The following STARD13 variants were observed in gnomAD, a reference collection of about 807,000 sequenced individuals.
STARD13 encodes the protein StAR related lipid transfer domain containing 13.
In STARD13, 62 loss-of-function variants were observed where a neutral mutation model predicts 106.4. That is an observed-to-expected ratio of 0.58 (90% CI 0.48 to 0.72). The LOEUF is 0.72. Ranked by LOEUF, STARD13 falls within the 30% of genes least tolerant of loss-of-function variation. The pLI is 0.00. For missense variants in STARD13, 1,387 were observed against 1,424.0 expected, an observed-to-expected ratio of 0.97 and a Z score of 0.42; for synonymous variants, 565 against 553.0, an observed-to-expected ratio of 1.02 and a Z score of -0.31.
the STARD13 span, among the ~76,000 whole-genome samples, chr13:33,429,748 G>T: frequency 1.2e-4 from 18 of 152,152 alleles, no homozygotes; most frequent in Non-Finnish European, 4.4e-5. Context: ...AGAGTAGAAG[G>T]ATGGTTACCG....
At chr13:33,667,261 T>C in the STARD13 span, among the ~76,000 whole-genome samples, 102 of 152,378 alleles carry the variant, frequency 6.7e-4, no homozygotes, top group African/African-American at 2.2e-3. Flanking sequence ...AACAGCATTA[T>C]CTTGAGAATC....
intron 1 of STARD13, among the ~76,000 whole-genome samples, chr13:33,268,630 T>C (rs1891019820): frequency 6.6e-6 from 1 of 152,262 alleles, no homozygotes; most frequent in Non-Finnish European, 1.5e-5. Context: ...GCATCAGTGC[T>C]GGAACTAAGA....
At chr13:33,253,179 T>C (rs1890174187) in intron 1 of STARD13, among the ~76,000 whole-genome samples, 1 of 152,204 alleles carries the variant, frequency 6.6e-6, no homozygotes, top group Non-Finnish European at 1.5e-5. Context: ...ATAGTTTTTA[T>C]GGTCTTAAGG....
At chr13:33,485,272 G>A in the STARD13 span, among the ~76,000 whole-genome samples, 15 of 152,224 alleles carry the variant, frequency 9.9e-5, no homozygotes, top group South Asian at 6.2e-4. Flanking sequence ...TTTAATTACC[G>A]AAGTGAAATG....
the STARD13 span, among the ~76,000 whole-genome samples, chr13:33,382,369 A>G: frequency 1.3e-5 from 2 of 151,856 alleles, no homozygotes; most frequent in African/African-American, 2.4e-5. Context: ...CTGAAATGCC[A>G]CTTCTCCTAG....
At chr13:33,448,093 A>T in the STARD13 span, among the ~76,000 whole-genome samples, 1 of 152,160 alleles carries the variant, frequency 6.6e-6, no homozygotes, top group Non-Finnish European at 1.5e-5. Flanking sequence ...GTACATACTT[A>T]TGGGATATGT....
At chr13:33,217,682 G>A (rs1220679465) in intron 1 of STARD13, among the ~76,000 whole-genome samples, 2 of 152,204 alleles carry the variant, frequency 1.3e-5, no homozygotes, top group Non-Finnish European at 2.9e-5. Context: ...AAGAGAGCAA[G>A]GGAGGAGAGT....
At chr13:33,263,565 T>C (rs1187187445) in intron 1 of STARD13, among the ~76,000 whole-genome samples, 1 of 152,220 alleles carries the variant, frequency 6.6e-6, no homozygotes, top group Non-Finnish European at 1.5e-5. Context: ...TCTTCTTTCC[T>C]GTTTCACGGG....
the STARD13 span, among the ~76,000 whole-genome samples, chr13:33,632,005 G>C: frequency 3.3e-5 from 5 of 152,162 alleles, no homozygotes; most frequent in African/African-American, 9.7e-5. Flanking sequence ...ATTCCTGATC[G>C]TAGTGTTGTC....
In STARD13 at chr13:33,196,255, C is replaced by CG. The variant is rs527474802; in HGVS notation, c.170-28634dup. Among the ~76,000 whole-genome samples the CG allele has an allele frequency of 4.1e-3, 631 of 152,108 alleles. 2 individuals are homozygous for CG. The highest frequency in any genetic ancestry group is 0.014 in the African/African-American group (600 of 41,514). The stretch of plus-strand genomic sequence containing the variant: ...CAAAAATTAGCTGGGCGTGGTGACA[C>CG]GACGCATGCCTGTAATCCCAGCTAC... On this transcript the variant is annotated intron_variant, in intron 1 of 13. Transcript: ENST00000336934.
the STARD13 span, among the ~76,000 whole-genome samples, chr13:33,666,011 T>C: frequency 6.6e-6 from 1 of 152,064 alleles, no homozygotes; most frequent in Non-Finnish European, 1.5e-5. Context: ...ACCTCTGACT[T>C]GTCCCTGAAG....
At chr13:33,125,172 C>T (rs950697808) in intron 7 of STARD13, among the ~76,000 whole-genome samples, 4 of 152,108 alleles carry the variant, frequency 2.6e-5, no homozygotes, top group Non-Finnish European at 5.9e-5. Flanking sequence ...TCATTCCTGC[C>T]CACTGAGCCC....
intron 1 of STARD13, among the ~76,000 whole-genome samples, chr13:33,205,524 A>G (rs1887355088): frequency 6.6e-6 from 1 of 152,238 alleles, no homozygotes. Flanking sequence ...AGAAGGAAGG[A>G]AGGAAGGAAG....
the STARD13 span, among the ~76,000 whole-genome samples, chr13:33,659,554 G>A: frequency 6.6e-6 from 1 of 152,168 alleles, no homozygotes; most frequent in South Asian, 2.1e-4. Context: ...CGGAGCAGTT[G>A]TGGGACTGAG....
the STARD13 span, among the ~76,000 whole-genome samples, chr13:33,541,203 T>TA: frequency 1.3e-5 from 2 of 152,126 alleles, no homozygotes; most frequent in Admixed American, 1.3e-4. Context: ...AAATGGGATA[T>TA]AGCCAAAGCT....
At chr13:33,554,538 G>C in the STARD13 span, among the ~76,000 whole-genome samples, 1 of 152,106 alleles carries the variant, frequency 6.6e-6, no homozygotes, top group South Asian at 2.1e-4. Context: ...AATGTGCCAG[G>C]TACTATGTAT....
intron 7 of STARD13, among the ~76,000 whole-genome samples, chr13:33,124,080 C>T (rs977976323): frequency 6.6e-6 from 1 of 152,204 alleles, no homozygotes; most frequent in East Asian, 1.9e-4. Flanking sequence ...CTTTTCCCCT[C>T]GCTTTTCTGA....
the STARD13 span, among the ~76,000 whole-genome samples, chr13:33,516,825 C>A: frequency 2.0e-5 from 3 of 151,518 alleles, no homozygotes; most frequent in African/African-American, 7.3e-5. Flanking sequence ...CCTGTAATCC[C>A]AGCACTTTGG....
the STARD13 span, among the ~76,000 whole-genome samples, chr13:33,612,229 C>T: frequency 6.6e-6 from 1 of 152,192 alleles, no homozygotes; most frequent in South Asian, 2.1e-4. Context: ...GCTTCCCCTA[C>T]CCTAAACAGT....
Sources: gnomAD v4.1 joint callset for allele counts (sites outside exome capture counted in the v4.1 genomes callset) on GRCh38, gnomAD v4.1.1 for gene constraint, MANE v1.5 for transcripts, NCBI Gene and HGNC (gene_info 2026-07-23, HGNC 2026-07-21) for gene names.